Variants in PTPN13 observed in about 807,000 individuals in gnomAD.
PTPN13 encodes the protein protein tyrosine phosphatase non-receptor type 13, also known as tyrosine-protein phosphatase non-receptor type 13.
A neutral mutation model predicts 284.0 loss-of-function variants in PTPN13; 191 were observed. That is an observed-to-expected ratio of 0.67 (90% CI 0.60 to 0.76). The LOEUF (loss-of-function observed/expected upper bound fraction) is 0.76, where lower values mean the gene tolerates loss of function less well. PTPN13 is among the 30% of genes least tolerant of loss of function. The pLI is 0.00. For synonymous variants in PTPN13, 986 were observed against 1,022.3 expected (o/e 0.96, Z 0.68); for missense variants, 2,797 against 2,939.9 (o/e 0.95, Z 1.12).
At chr4:86,734,489 T>C (rs1273825762) in intron 13 of PTPN13, 33 bp downstream of exon 13, 2 of 1,489,246 alleles carry the variant, frequency 1.3e-6, no homozygotes. Flanking sequence ...TTTGCTCTTT[T>C]TGGACACTGG....
chr4:86,730,677 G>A (rs1288206953), intron 10 of PTPN13, among the ~76,000 whole-genome samples: 1 of 149,524 alleles, frequency 6.7e-6, no homozygotes, highest in Non-Finnish European at 1.5e-5. Flanking sequence ...GTATTTGGGC[G>A]GGAGTGTTCC....
chr4:86,602,183 A>G (rs1764349111), intron 1 of PTPN13, among the ~76,000 whole-genome samples: 1 of 152,112 alleles, frequency 6.6e-6, no homozygotes, highest in Non-Finnish European at 1.5e-5. Flanking sequence ...CTCCTGTTTG[A>G]TTTAGAGAAA....
chr4:86,751,311 G>A (rs1565484511), intron 19 of PTPN13, among the ~76,000 whole-genome samples, 187 bp downstream of exon 19: 1 of 152,078 alleles, frequency 6.6e-6, no homozygotes. Context: ...ATTGCTTCAT[G>A]GTACAGACTA....
At chr4:86,601,734 A>G (rs1051820351) in intron 1 of PTPN13, among the ~76,000 whole-genome samples, 3 of 152,148 alleles carry the variant, frequency 2.0e-5, no homozygotes, top group African/African-American at 7.2e-5. Flanking sequence ...AAAAATGAAT[A>G]CTGCTGTTCT....
chr4:86,642,514 G>A (rs1348367823), intron 2 of PTPN13, among the ~76,000 whole-genome samples: 12 of 135,840 alleles, frequency 8.8e-5, no homozygotes, highest in Admixed American at 4.2e-4. Flanking sequence ...GTGCAGTGGT[G>A]CAATCTCGGC....
chr4:86,777,136 T>C (rs1740749001), intron 35 of PTPN13, among the ~76,000 whole-genome samples: 1 of 152,164 alleles, frequency 6.6e-6, no homozygotes, highest in African/African-American at 2.4e-5. Context: ...AAAAAATTAC[T>C]ATAAGTTTAG....
intron 42 of PTPN13, among the ~76,000 whole-genome samples, chr4:86,799,825 CTTTTTTTTTTT>C (rs925434357): frequency 4.8e-5 from 4 of 83,212 alleles, no homozygotes; most frequent in Non-Finnish European, 9.3e-5. Context: ...TCAAGGGGCA[CTTTTTTTTTTT>C]TTTTTTTTTT....
intron 7 of PTPN13, among the ~76,000 whole-genome samples, chr4:86,715,199 A>T (rs763192742): frequency 1.3e-5 from 2 of 151,738 alleles, no homozygotes; most frequent in Non-Finnish European, 2.9e-5. Flanking sequence ...TTTATATTTA[A>T]ATTGTTGTGT....
intron 1 of PTPN13, among the ~76,000 whole-genome samples, chr4:86,616,780 G>T (rs1720596024): frequency 6.6e-6 from 1 of 152,136 alleles, no homozygotes; most frequent in Non-Finnish European, 1.5e-5. Context: ...TTTCTATAAA[G>T]CCTACAGAAC....
chr4:86,608,376 A>G (rs188884711), intron 1 of PTPN13, among the ~76,000 whole-genome samples: 78 of 152,174 alleles, frequency 5.1e-4, no homozygotes, highest in African/African-American at 1.7e-3. Flanking sequence ...CTAATGCTTT[A>G]TGTTATTCTA....
At chr4:86,597,418 A>AT (rs1346458696) in intron 1 of PTPN13, among the ~76,000 whole-genome samples, 1 of 151,952 alleles carries the variant, frequency 6.6e-6, no homozygotes, top group East Asian at 1.9e-4. Flanking sequence ...TGTTTATTTT[A>AT]TTTTTTTAAA....
chr4:86,761,687 A>G (rs1738717467), intron 23 of PTPN13, among the ~76,000 whole-genome samples: 2 of 152,104 alleles, frequency 1.3e-5, no homozygotes, highest in African/African-American at 4.8e-5. Flanking sequence ...TATATTTACT[A>G]TTTGTATTTT....
intron 1 of PTPN13, among the ~76,000 whole-genome samples, chr4:86,624,653 GT>G (rs1298629169): frequency 3.3e-5 from 5 of 152,034 alleles, no homozygotes; most frequent in Non-Finnish European, 7.4e-5. Flanking sequence ...GGAATTGAGG[GT>G]TAAAGCTTTA....
chr4:86,611,675 C>T (rs754195607), intron 1 of PTPN13, among the ~76,000 whole-genome samples: 2 of 152,076 alleles, frequency 1.3e-5, no homozygotes, highest in Admixed American at 1.3e-4. Flanking sequence ...TTCCAGGCTG[C>T]GGCATATGGT....
intron 2 of PTPN13, among the ~76,000 whole-genome samples, chr4:86,664,847 A>G (rs1048055042): frequency 9.2e-5 from 14 of 152,184 alleles, no homozygotes; most frequent in African/African-American, 3.4e-4. Context: ...CTTTCATGCT[A>G]CTTGAATCAG....
intron 35 of PTPN13, among the ~76,000 whole-genome samples, chr4:86,779,763 A>G (rs1029050056): frequency 2.0e-5 from 3 of 152,174 alleles, no homozygotes; most frequent in African/African-American, 4.8e-5. Flanking sequence ...ATCAGCAACA[A>G]TAAGATTGCA....
At chr4:86,595,884 T>C in intron 1 of PTPN13, 1 of 516,456 alleles carries the variant, frequency 1.9e-6, no homozygotes, top group East Asian at 1.5e-4. Flanking sequence ...TGAAACAAGC[T>C]TAGGTATTTT....
intron 17 of PTPN13, among the ~76,000 whole-genome samples, chr4:86,747,096 A>T (rs10020590): frequency 6.6e-6 from 1 of 152,214 alleles, no homozygotes; most frequent in Non-Finnish European, 1.5e-5. Context: ...AGATTACTTC[A>T]TTATAGTTGT....
In PTPN13 at chr4:86,765,486, A is replaced by G. The variant is rs1478888374; in HGVS notation, c.4241A>G (p.Lys1414Arg). The change falls in exon 26 of 48, where the codon AAA becomes AGA. Residue 1414 changes from lysine to arginine, a missense_variant and splice_region_variant. Transcript: ENST00000411767. The part of the protein sequence containing the change: ...GAAESDGRIH[K>R]GDRVLAVNGV... ...GCAGAGTCTGATGGTAGAATTCACA[A>G]AGGTATAGTGTTTATATTATGTGGG... 1 of 1,573,102 alleles carries G rather than the reference A, an allele frequency of 6.4e-7. No homozygotes were observed. The highest frequency in any genetic ancestry group is 8.6e-7 in the Non-Finnish European group (1 of 1,156,212).
Sources: allele counts gnomAD v4.1 joint callset (sites outside exome capture counted in the v4.1 genomes callset), GRCh38; gene constraint gnomAD v4.1.1; transcripts MANE v1.5; gene names NCBI Gene and HGNC (gene_info 2026-07-23, HGNC 2026-07-21).